Variants in WIF1 observed in about 807,000 individuals in gnomAD.
The protein encoded by WIF1 is Wnt inhibitory factor 1.
A neutral mutation model predicts 53.5 loss-of-function variants in WIF1; 35 were observed. The ratio of observed to expected loss-of-function variants is 0.65; its 90% confidence interval spans 0.50 to 0.87. The LOEUF is 0.87. WIF1 is among the 40% of genes least tolerant of loss of function. The pLI, the probability that WIF1 is intolerant of heterozygous loss-of-function variation, is 0.00. For synonymous variants in WIF1, 171 were observed against 170.4 expected (o/e 1.00, Z -0.03); for missense variants, 467 against 476.8 (o/e 0.98, Z 0.19).
chr12:65,065,657 G>C (rs1053004089), intron 6 of WIF1, among the ~76,000 whole-genome samples: 4 of 152,018 alleles, frequency 2.6e-5, no homozygotes, highest in Middle Eastern at 3.2e-3. Context: ...CACTTTTAAA[G>C]AATAAAATTT....
At chr12:65,092,480 GTA>G (rs755570405) in intron 2 of WIF1, among the ~76,000 whole-genome samples, 1 of 105,534 alleles carries the variant, frequency 9.5e-6, no homozygotes, top group Non-Finnish European at 1.9e-5. Flanking sequence ...GTGTGTGTGT[GTA>G]TATATATGTG....
At chr12:65,115,420 T>G (rs1394493422) in intron 2 of WIF1, among the ~76,000 whole-genome samples, 1 of 152,190 alleles carries the variant, frequency 6.6e-6, no homozygotes, top group Non-Finnish European at 1.5e-5. Context: ...GATTCTGATT[T>G]GTCTAACAAA....
chr12:65,104,571 G>A (rs1003539976), intron 2 of WIF1, among the ~76,000 whole-genome samples: 1 of 152,192 alleles, frequency 6.6e-6, no homozygotes, highest in Non-Finnish European at 1.5e-5. Context: ...TTTGTAAAGT[G>A]AGAATATCAG....
intron 2 of WIF1, among the ~76,000 whole-genome samples, chr12:65,111,759 A>C (rs1256599082): frequency 6.6e-6 from 1 of 152,190 alleles, no homozygotes; most frequent in South Asian, 2.1e-4. Context: ...CCCCCAAGGC[A>C]TGATTTGTGT....
Position 65,120,502 on chromosome 12 carries a change from T to G in WIF1, c.203A>C (p.His68Pro). ...TCTCTGTTGTGCTTTTCTGAAATCATGTGTAAAAGGTGCCATTTTCCCCTC... is the reference window on the plus strand; with the variant it reads ...TCTCTGTTGTGCTTTTCTGAAATCAGGTGTAAAAGGTGCCATTTTCCCCTC... ...VSEGKMAPFTHDFRKAQQRMP... is the reference protein window; with the variant it reads ...VSEGKMAPFTPDFRKAQQRMP... The change falls in exon 2 of 10, where the codon CAT becomes CCT. Residue 68 changes from histidine (H) to proline (P), a missense_variant. His to Pro is a moderately conservative substitution (Grantham distance 77). Transcript: ENST00000286574. The G allele has an allele frequency of 6.2e-7, 1 of 1,614,138 alleles. No homozygotes were observed. Among genetic ancestry groups the G allele is most frequent in the Non-Finnish European group, 8.5e-7 (1 of 1,180,006 alleles).
intron 2 of WIF1, among the ~76,000 whole-genome samples, chr12:65,113,780 T>C (rs1032680278): frequency 1.3e-5 from 2 of 152,094 alleles, no homozygotes; most frequent in African/African-American, 4.8e-5. Flanking sequence ...CATAGCAGAA[T>C]CTAAACGTTA....
chr12:65,067,597 TA>T lies in WIF1; in HGVS notation c.634+97del. The T allele has an allele frequency of 4.0e-6, 5 of 1,262,580 alleles. No individual in the cohort carries two copies. In the South Asian group the frequency reaches 6.6e-5, roughly 17 times the overall value. 78.2% of individuals were successfully genotyped at this position (1,262,580 alleles called of 1,614,324 possible). A position where few individuals can be genotyped will look rare whatever the true frequency, so the allele number is the denominator to read the frequency against. On this transcript the variant is annotated intron_variant, in intron 5 of 9. Coordinates refer to ENST00000286574, the MANE Select transcript of WIF1 (RefSeq NM_007191.5). ...TTTTCTGCCCCTGTGACCAGGAAAA[TA>T]ATTTCAGGTGTTAAAAATACACAAT...
intron 3 of WIF1, among the ~76,000 whole-genome samples, chr12:65,074,592 C>A (rs989775603): frequency 3.3e-5 from 5 of 151,860 alleles, no homozygotes; most frequent in African/African-American, 1.2e-4. Flanking sequence ...CCGAGGCAGG[C>A]AGATCACTTG....
At chr12:65,119,696 A>T (rs1317855841) in intron 2 of WIF1, among the ~76,000 whole-genome samples, 3 of 152,212 alleles carry the variant, frequency 2.0e-5, no homozygotes, top group Admixed American at 6.5e-5. Context: ...CCAATTGTAC[A>T]AAAGAAATTA....
intron 9 of WIF1, among the ~76,000 whole-genome samples, chr12:65,051,736 G>T (rs115402963): frequency 6.6e-6 from 1 of 152,346 alleles, no homozygotes; most frequent in African/African-American, 2.4e-5. Context: ...CTGGGTGAAT[G>T]TGACTGAATG....
At chr12:65,091,415 T>C (rs1045296886) in intron 2 of WIF1, among the ~76,000 whole-genome samples, 2 of 150,382 alleles carry the variant, frequency 1.3e-5, no homozygotes, top group Admixed American at 6.6e-5. Flanking sequence ...TTCCCAGTAT[T>C]ATACAAGGCA....
intron 9 of WIF1, among the ~76,000 whole-genome samples, chr12:65,052,651 G>T (rs1181747364): frequency 1.3e-5 from 2 of 152,150 alleles, no homozygotes; most frequent in Non-Finnish European, 2.9e-5. Flanking sequence ...GTACAAAATG[G>T]CTGGGTGACC....
chr12:65,089,149 T>C (rs532000332), intron 2 of WIF1, among the ~76,000 whole-genome samples: 67 of 152,284 alleles, frequency 4.4e-4, no homozygotes, highest in African/African-American at 1.6e-3. Flanking sequence ...GATTTCTCCC[T>C]TTGGACTTAA....
chr12:65,090,833 C>A (rs1883111200), intron 2 of WIF1, among the ~76,000 whole-genome samples: 1 of 152,062 alleles, frequency 6.6e-6, no homozygotes, highest in African/African-American at 2.4e-5. Context: ...TACACAGGAT[C>A]AATATAAAGT....
chr12:65,099,719 T>G (rs1883252320), intron 2 of WIF1, among the ~76,000 whole-genome samples: 1 of 152,216 alleles, frequency 6.6e-6, no homozygotes. Context: ...GGAGCGCTGA[T>G]TAGCAAGTTT....
intron 7 of WIF1, among the ~76,000 whole-genome samples, chr12:65,058,553 C>T (rs955662236): frequency 2.0e-5 from 3 of 152,086 alleles, no homozygotes; most frequent in Admixed American, 6.5e-5. Context: ...CTGCAGGAGA[C>T]GTTAGACATT....
At chr12:65,078,721 AC>A (rs1326894455) in intron 2 of WIF1, among the ~76,000 whole-genome samples, 1 of 152,156 alleles carries the variant, frequency 6.6e-6, no homozygotes, top group Non-Finnish European at 1.5e-5. Flanking sequence ...CAAGCCATAA[AC>A]CTTTACATTG....
At chr12:65,068,251 T>G (rs1375757385) in intron 4 of WIF1, among the ~76,000 whole-genome samples, 2 of 152,084 alleles carry the variant, frequency 1.3e-5, no homozygotes, top group African/African-American at 4.8e-5. Flanking sequence ...AATGGGCATC[T>G]GGGGTGTGGT....
At chr12:65,059,915 G>A (rs1052587780) in intron 7 of WIF1, among the ~76,000 whole-genome samples, 27 of 152,148 alleles carry the variant, frequency 1.8e-4, no homozygotes, top group African/African-American at 6.5e-4. Flanking sequence ...GCCTCTCAAA[G>A]TGCTGGGATT....
Sources: gnomAD v4.1 joint callset for allele counts (sites outside exome capture counted in the v4.1 genomes callset) on GRCh38, gnomAD v4.1.1 for gene constraint, MANE v1.5 for transcripts, NCBI Gene and HGNC (gene_info 2026-07-23, HGNC 2026-07-21) for gene names.